NHS: variants seen among roughly 807,000 people sequenced by gnomAD.
NHS encodes actin remodeling regulator NHS.
NHS carries 5 observed loss-of-function variants against 72.5 expected under a neutral mutation model. The ratio of observed to expected loss-of-function variants is 0.07; its 90% CI spans 0.04 to 0.14. The LOEUF is 0.14. Ranked by LOEUF, NHS falls within the 10% of genes least tolerant of loss-of-function variation. NHS has a pLI of 1.00. For missense variants in NHS, 1,072 were observed against 1,355.7 expected, an observed-to-expected ratio of 0.79 and a Z score of 3.29; for synonymous variants, 464 against 547.7, an observed-to-expected ratio of 0.85 and a Z score of 2.13.
chrX:17,462,750 T>C (rs371375448), intron 1 of NHS, among the ~76,000 whole-genome samples: 1 of 111,862 alleles, frequency 8.9e-6, no homozygotes, highest in Non-Finnish European at 1.9e-5. Flanking sequence ...AATCCAGGTC[T>C]GAAGGGTCAA....
At chrX:17,646,877 T>C (rs376781094) in intron 1 of NHS, among the ~76,000 whole-genome samples, 1 of 112,315 alleles carries the variant, frequency 8.9e-6, no homozygotes, top group East Asian at 2.8e-4. Context: ...TGTTTCTCCT[T>C]TATCTACTCT....
At chrX:17,469,456 A>G in intron 1 of NHS, among the ~76,000 whole-genome samples, 1 of 111,720 alleles carries the variant, frequency 9.0e-6, no homozygotes. Context: ...CCCACAGAAC[A>G]TGTATCTGGC....
chrX:17,728,103 G>GCAA lies in NHS; in HGVS notation c.4000_4002dup (p.Thr1334dup). 1.7e-6 allele frequency: 2 copies of GCAA among 1,211,714 alleles called. No homozygotes were observed. The highest frequency in any genetic ancestry group is 2.2e-6 in the Non-Finnish European group (2 of 895,496). Reference sequence around the variant, plus strand: ...ATCTCAGTCAGACTCACCAACTAGAGCAACAGATGTAAGCAATCAATTTAA... The same window carrying GCAA: ...ATCTCAGTCAGACTCACCAACTAGAGCAACAACAGATGTAAGCAATCAATTTAA... On this transcript the variant is annotated inframe_insertion, in exon 7 of 9. Transcript: ENST00000676302.
At chrX:17,668,919 G>A (rs149930840) in intron 1 of NHS, among the ~76,000 whole-genome samples, 1,869 of 111,616 alleles carry the variant, frequency 0.017, 15 homozygotes, top group Non-Finnish European at 0.027. Flanking sequence ...GCTCCAGTGC[G>A]TGCCCTGTGT....
At chrX:17,560,150 C>G (rs1298260586) in intron 1 of NHS, among the ~76,000 whole-genome samples, 1 of 112,063 alleles carries the variant, frequency 8.9e-6, no homozygotes, top group East Asian at 2.8e-4. Context: ...CTTAGAGGCT[C>G]CCATTTCAGT....
intron 1 of NHS, among the ~76,000 whole-genome samples, chrX:17,669,917 G>T (rs1015946056): frequency 1.8e-5 from 2 of 112,098 alleles, no homozygotes. Context: ...TCTGCTCCAG[G>T]CCCCTGGCTT....
chrX:17,603,236 A>G (rs1173373519), intron 1 of NHS, among the ~76,000 whole-genome samples: 2 of 112,160 alleles, frequency 1.8e-5, no homozygotes, highest in African/African-American at 6.5e-5. Context: ...GCTGCTGTTA[A>G]CATGAGAAAT....
intron 1 of NHS, among the ~76,000 whole-genome samples, chrX:17,527,008 C>T (rs1451637226): frequency 8.9e-6 from 1 of 112,188 alleles, no homozygotes; most frequent in Admixed American, 9.4e-5. Context: ...AAAATACCCC[C>T]AGCAAAAATA....
chrX:17,486,408 T>C (rs917134273), intron 1 of NHS, among the ~76,000 whole-genome samples: 2 of 112,041 alleles, frequency 1.8e-5, no homozygotes, highest in Admixed American at 9.5e-5. Context: ...AGATCAGCCA[T>C]GGTGACGCTG....
At chrX:17,655,930 C>T (rs899765968) in intron 1 of NHS, among the ~76,000 whole-genome samples, 2 of 113,072 alleles carry the variant, frequency 1.8e-5, no homozygotes, top group African/African-American at 6.4e-5. Context: ...CCGAGTTAGG[C>T]TGGAGCTGGG....
intron 1 of NHS, among the ~76,000 whole-genome samples, chrX:17,540,016 G>C (rs769703353): frequency 8.9e-6 from 1 of 112,397 alleles, no homozygotes; most frequent in Non-Finnish European, 1.9e-5. Flanking sequence ...TGAACAAAAA[G>C]CAAACCTTTA....
rs766140337 is a variant in NHS, at chrX:17,735,980, G to C, written c.*3516G>C. On this transcript the variant is annotated 3_prime_UTR_variant, in exon 9 of 9. Transcript: ENST00000676302. ...GTGTGTATAGAAACTGCAAATAAAC[G>C]TGACTGCAATTAAACAACCGGTTTC... 4 of 112,191 alleles carry C rather than the reference G, an allele frequency of 3.6e-5. No homozygotes were observed. The highest frequency in any genetic ancestry group is 5.6e-5 in the Non-Finnish European group (3 of 53,205). 9.2% of individuals were successfully genotyped at this position (112,191 alleles called of 1,213,427 possible). A position where few individuals can be genotyped will look rare whatever the true frequency, so the allele number is the denominator to read the frequency against.
intron 1 of NHS, among the ~76,000 whole-genome samples, chrX:17,615,768 C>A (rs2065742531): frequency 9.5e-6 from 1 of 105,677 alleles, no homozygotes; most frequent in South Asian, 4.6e-4. Flanking sequence ...TTTACATCAT[C>A]TGCACTGCCC....
At chrX:17,425,667 AT>A (rs752153682) in intron 1 of NHS, among the ~76,000 whole-genome samples, 1 of 108,577 alleles carries the variant, frequency 9.2e-6, no homozygotes, top group East Asian at 2.9e-4. Flanking sequence ...CTGAAGCTGA[AT>A]CCAAGCACTG....
At position 17,668,089 on chromosome X, in the gene NHS, A is replaced by T. The variant is rs754506442; in HGVS notation, c.566-19653A>T. 4.4e-4 allele frequency among the ~76,000 whole-genome samples: 28 copies of T among 63,241 alleles called. No homozygotes were observed. The East Asian group carries it at 0.01, about 24-fold the overall frequency. 54.9% of individuals were successfully genotyped at this position (63,241 alleles called of 115,157 possible). On this transcript the variant is annotated intron_variant, in intron 1 of 8. Transcript: ENST00000676302. ...CAACATGGCAAAACCCCATCTCTCT[A>T]AAAAAAAAAAAAAAAAAAAAAATTA...
intron 1 of NHS, among the ~76,000 whole-genome samples, chrX:17,496,735 T>C (rs2065014280): frequency 1.8e-5 from 2 of 112,044 alleles, no homozygotes; most frequent in South Asian, 3.7e-4. Flanking sequence ...CAACCTTTGT[T>C]ATTTTGCAAA....
intron 1 of NHS, among the ~76,000 whole-genome samples, chrX:17,382,664 C>G (rs2064383623): frequency 8.9e-6 from 1 of 112,156 alleles, no homozygotes; most frequent in African/African-American, 3.2e-5. Context: ...TTGAAAAGAC[C>G]ATCATTTCCC....
intron 1 of NHS, among the ~76,000 whole-genome samples, chrX:17,421,133 G>T (rs1288294561): frequency 3.7e-5 from 4 of 109,281 alleles, no homozygotes; most frequent in Non-Finnish European, 7.6e-5. Flanking sequence ...GGGCAGGGGT[G>T]GTTTCTTAAT....
At chrX:17,644,096 G>A (rs921908369) in intron 1 of NHS, among the ~76,000 whole-genome samples, 2 of 112,167 alleles carry the variant, frequency 1.8e-5, no homozygotes, top group Non-Finnish European at 3.8e-5. Flanking sequence ...ATTTTTAAAT[G>A]TCTCCCATCT....
Sources: allele counts gnomAD v4.1 joint callset (sites outside exome capture counted in the v4.1 genomes callset), GRCh38; gene constraint gnomAD v4.1.1; transcripts MANE v1.5; gene names NCBI Gene and HGNC (gene_info 2026-07-23, HGNC 2026-07-21).